The following RNF145 variants were observed in gnomAD, a reference collection of about 807,000 sequenced individuals.
RNF145 encodes the protein ring finger protein 145.
In RNF145, 12 loss-of-function variants were observed where a neutral mutation model predicts 57.3. That is an observed-to-expected ratio of 0.21 (90% confidence interval 0.13 to 0.34). The LOEUF (loss-of-function observed/expected upper bound fraction) is 0.34. RNF145 is among the 10% of genes least tolerant of loss of function. The probability of loss-of-function intolerance (pLI) is 1.00; values close to 1 mark genes in which losing one functional copy is unlikely to be tolerated. For missense variants in RNF145, 429 were observed against 799.0 expected (o/e 0.54, Z 5.58); for synonymous variants, 262 against 288.3 (o/e 0.91, Z 0.92).
At position 159,173,134 on chromosome 5, in the gene RNF145, T is replaced by C. The variant is rs556967162; in HGVS notation, c.797+849A>G. On this transcript the variant is annotated intron_variant, in intron 6 of 10. Coordinates refer to ENST00000424310, the MANE Select transcript of RNF145 (RefSeq NM_001199383.2). ...AATATTAAAAACCGAGTCTTAGAAT[T>C]ATTTTGGGTTAGTCCAAGCTTGACT... 4.6e-5 allele frequency among the ~76,000 whole-genome samples: 7 copies of C among 152,276 alleles called. No homozygotes were observed. In the South Asian group the frequency reaches 1.5e-3, roughly 32 times the overall value.
At chr5:159,207,546 A>G in intron 1 of RNF145, 1 of 1,583,108 alleles carries the variant, frequency 6.3e-7, no homozygotes, top group Non-Finnish European at 8.5e-7. Context: ...GATCTTAAGA[A>G]AAGTAAATTT....
intron 8 of RNF145, among the ~76,000 whole-genome samples, chr5:159,166,437 G>A (rs558906341): frequency 6.6e-6 from 1 of 152,288 alleles, no homozygotes; most frequent in East Asian, 1.9e-4. Flanking sequence ...AGTTCTGTCA[G>A]TTTAAGAAAT....
chr5:159,158,949 G>A lies in RNF145; in HGVS notation c.1713C>T (p.Cys571=). ...LKKWLYVQET[C]PLCHCHLKNS... The stretch of plus-strand genomic sequence containing the variant: ...TTTTCAGATGGCAGTGGCACAGAGG[G>A]CAGGTCTCCTGGACATACAGCCATT... The change falls in exon 11 of 11, where the codon TGC becomes TGT. Residue 571 remains cysteine (C), a synonymous_variant. Coordinates refer to ENST00000424310, the MANE Select transcript of RNF145 (RefSeq NM_001199383.2). 6.2e-7 allele frequency: 1 copy of A among 1,613,954 alleles called. No homozygotes were observed. The highest frequency in any genetic ancestry group is 1.1e-5 in the South Asian group (1 of 91,078).
chr5:159,190,897 TAA>T (rs1364315798), intron 3 of RNF145, among the ~76,000 whole-genome samples: 1 of 152,030 alleles, frequency 6.6e-6, no homozygotes, highest in Non-Finnish European at 1.5e-5. Context: ...TAAATTATAC[TAA>T]GAGGAAAATA....
intron 2 of RNF145, among the ~76,000 whole-genome samples, chr5:159,201,188 AG>A (rs1372705710): frequency 6.6e-6 from 1 of 152,194 alleles, no homozygotes; most frequent in Non-Finnish European, 1.5e-5. Context: ...ACGTATACAG[AG>A]GGCCAACCTT....
chr5:159,205,041 T>C (rs1049606535), intron 1 of RNF145, among the ~76,000 whole-genome samples: 1 of 152,128 alleles, frequency 6.6e-6, no homozygotes, highest in Non-Finnish European at 1.5e-5. Flanking sequence ...TTGTCAGTAT[T>C]TCCATCTTAC....
intron 1 of RNF145, chr5:159,208,015 T>C: frequency 6.5e-7 from 1 of 1,535,344 alleles, no homozygotes; most frequent in East Asian, 2.4e-5. Context: ...CACAGTCCTC[T>C]CCTTCCCTTT....
intron 1 of RNF145, chr5:159,208,209 A>G: frequency 7.6e-7 from 1 of 1,308,942 alleles, no homozygotes; most frequent in Admixed American, 3.3e-5. Context: ...GCGCAGCAGC[A>G]GTAGCAGCAG....
In RNF145 at chr5:159,203,454, G is replaced by A. The variant is rs1785742153; in HGVS notation, c.164C>T (p.Ala55Val). 1.9e-6 allele frequency: 3 copies of A among 1,612,572 alleles called. No homozygotes were observed. The highest frequency in any genetic ancestry group is 2.5e-6 in the Non-Finnish European group (3 of 1,178,640). ...NNPLFQYKYLALNMHYVGYIL... is the reference protein window; with the variant it reads ...NNPLFQYKYLVLNMHYVGYIL... ...CTCACCTACATAATGCATATTAAGAGCCAAATACTTATACTGGAAAAGAGG... is the reference window on the plus strand; with the variant it reads ...CTCACCTACATAATGCATATTAAGAACCAAATACTTATACTGGAAAAGAGG... Residue 55 changes from alanine to valine, a missense_variant, in exon 2 of 11, where the codon GCT (alanine) becomes GTT (valine). Ala to Val is a moderately conservative substitution (Grantham distance 64). Coordinates refer to ENST00000424310, the MANE Select transcript of RNF145 (RefSeq NM_001199383.2).
chr5:159,158,824 C>A lies in RNF145; in HGVS notation c.1838G>T (p.Gly613Val). Residue 613 changes from glycine to valine, a missense_variant, in exon 11 of 11, where the codon GGC (glycine) becomes GTC (valine). Coordinates refer to ENST00000424310, the MANE Select transcript of RNF145 (RefSeq NM_001199383.2). ...VMFQEGTEPP[G>V]QEHTPGTRIQ... The stretch of plus-strand genomic sequence containing the variant: ...CCTGGTCCCTGGAGTATGCTCCTGG[C>A]CTGGGGGTTCAGTACCTTCCTGAAA... The A allele has an allele frequency of 6.2e-7, 1 of 1,613,900 alleles. No individual in the cohort carries two copies. The highest frequency in any genetic ancestry group is 1.3e-5 in the African/African-American group (1 of 74,990).
intron 9 of RNF145, 68 bp downstream of exon 9, chr5:159,162,864 A>C: frequency 7.7e-7 from 1 of 1,303,560 alleles, no homozygotes. Context: ...GAAAAAATTT[A>C]ATTCCTCCTC....
At chr5:159,163,197 C>T (rs1208693391) in intron 8 of RNF145, 118 bp from the exon 9 acceptor site, 4 of 914,432 alleles carry the variant, frequency 4.4e-6, no homozygotes, top group Non-Finnish European at 6.7e-6. Context: ...CACTGAACAC[C>T]CTTCTCCATG....
intron 1 of RNF145, chr5:159,207,633 G>A: frequency 6.2e-7 from 1 of 1,603,446 alleles, no homozygotes; most frequent in South Asian, 1.1e-5. Context: ...AAAATTCTAA[G>A]TAAAAGCCCA....
chr5:159,163,361 T>A (rs1784292081), intron 8 of RNF145, among the ~76,000 whole-genome samples: 1 of 152,242 alleles, frequency 6.6e-6, no homozygotes, highest in Non-Finnish European at 1.5e-5. Flanking sequence ...TATTTCAGGC[T>A]TTTGTAGCCT....
rs183488099 is a variant in RNF145 at position 159,186,306 on chromosome 5, A to G, written c.294-4255T>C. Among the ~76,000 whole-genome samples the G allele has an allele frequency of 3.4e-3, 512 of 152,306 alleles. 2 individuals carry two copies. Among genetic ancestry groups the G allele is most frequent in the Middle Eastern group, 6.8e-3 (2 of 294 alleles). ...TTCTTGCTTATAAAGAGAAGTATAC[A>G]TGTTACAAAAAATAAATGGGTACCA... On this transcript the variant is annotated intron_variant, in intron 3 of 10. Transcript: ENST00000424310.
chr5:159,168,068 C>T (rs1784442873), intron 8 of RNF145, among the ~76,000 whole-genome samples: 1 of 151,992 alleles, frequency 6.6e-6, no homozygotes, highest in African/African-American at 2.4e-5. Flanking sequence ...TAAGAAATTC[C>T]TTACAGAATT....
upstream of RNF145, chr5:159,209,922 G>C: frequency 6.5e-7 from 1 of 1,535,436 alleles, no homozygotes. Flanking sequence ...GCAATGATGC[G>C]AGAATTCGTT....
intron 2 of RNF145, among the ~76,000 whole-genome samples, chr5:159,201,091 T>C (rs1354218311): frequency 6.6e-6 from 1 of 152,184 alleles, no homozygotes; most frequent in Non-Finnish European, 1.5e-5. Context: ...TTGAACAACA[T>C]AGGATGGAAC....
intron 8 of RNF145, among the ~76,000 whole-genome samples, chr5:159,163,421 T>C (rs563792772): frequency 6.6e-6 from 1 of 152,176 alleles, no homozygotes; most frequent in East Asian, 1.9e-4. Context: ...AGGGAGGGAG[T>C]ATTAGAATAA....
Sources: gnomAD v4.1 joint callset for allele counts (sites outside exome capture counted in the v4.1 genomes callset) on GRCh38, gnomAD v4.1.1 for gene constraint, MANE v1.5 for transcripts, NCBI Gene and HGNC (gene_info 2026-07-23, HGNC 2026-07-21) for gene names.